The following HIVEP3 variants were observed in gnomAD, a reference collection of about 807,000 sequenced individuals.
HIVEP3 encodes the protein transcription factor HIVEP3.
Under a neutral mutation model 152.8 loss-of-function variants are expected in HIVEP3, and 49 were observed. The observed-to-expected ratio is 0.32, with a 90% CI of 0.26 to 0.41. The LOEUF is 0.41. Ranked by LOEUF, HIVEP3 falls within the 10% of genes least tolerant of loss-of-function variation. HIVEP3 has a pLI of 1.00. For synonymous variants in HIVEP3, 1,269 were observed against 1,289.0 expected, an observed-to-expected ratio of 0.98 and a Z score of 0.33; for missense variants, 2,790 against 3,103.3, an observed-to-expected ratio of 0.90 and a Z score of 2.40.
intron 2 of HIVEP3, among the ~76,000 whole-genome samples, chr1:41,648,505 A>G (rs1290778381): frequency 6.6e-6 from 1 of 152,206 alleles, no homozygotes; most frequent in Non-Finnish European, 1.5e-5. Flanking sequence ...GGGCCAGGGG[A>G]GGAGACACAG....
chr1:41,846,838 G>A (rs1459637104), intron 1 of HIVEP3, among the ~76,000 whole-genome samples: 1 of 152,214 alleles, frequency 6.6e-6, no homozygotes, highest in Non-Finnish European at 1.5e-5. Flanking sequence ...GGTAATGAAA[G>A]AATGAACAAA....
chr1:41,640,485 AGT>A (rs1286468580), intron 2 of HIVEP3, among the ~76,000 whole-genome samples: 2 of 152,196 alleles, frequency 1.3e-5, no homozygotes, highest in Non-Finnish European at 2.9e-5. Context: ...CACCCAGCTA[AGT>A]GACCTTGGAC....
chr1:41,699,160 T>C (rs971030105), intron 2 of HIVEP3, among the ~76,000 whole-genome samples: 2 of 152,254 alleles, frequency 1.3e-5, no homozygotes, highest in African/African-American at 4.8e-5. Flanking sequence ...AAGTAAGTGC[T>C]GAGCACGTGG....
chr1:41,650,523 TTTCTC>T (rs1479430366), intron 2 of HIVEP3, among the ~76,000 whole-genome samples: 1 of 151,208 alleles, frequency 6.6e-6, no homozygotes, highest in Non-Finnish European at 1.5e-5. Flanking sequence ...AGAGTCTTCT[TTTCTC>T]TTTATTTTCT....
At chr1:41,624,982 G>A (rs1242880804) in intron 3 of HIVEP3, among the ~76,000 whole-genome samples, 1 of 151,980 alleles carries the variant, frequency 6.6e-6, no homozygotes, top group Non-Finnish European at 1.5e-5. Context: ...TGGCTGACAT[G>A]GTGAAACCCC....
At chr1:41,974,145 G>A (rs987045532) in intron 1 of HIVEP3, among the ~76,000 whole-genome samples, 1 of 152,106 alleles carries the variant, frequency 6.6e-6, no homozygotes, top group African/African-American at 2.4e-5. Flanking sequence ...GTAGAGACTG[G>A]AAAAAGCCAA....
intron 1 of HIVEP3, among the ~76,000 whole-genome samples, chr1:41,744,320 T>C (rs553301975): frequency 1.3e-5 from 2 of 152,336 alleles, no homozygotes; most frequent in Admixed American, 1.3e-4. Context: ...ATTACAGGTG[T>C]GAGCCATCAC....
intron 2 of HIVEP3, among the ~76,000 whole-genome samples, chr1:41,680,901 A>C (rs1294087006): frequency 6.6e-6 from 1 of 152,244 alleles, no homozygotes; most frequent in Non-Finnish European, 1.5e-5. Context: ...GAAAATAATC[A>C]CAGCTACCAC....
intron 1 of HIVEP3, among the ~76,000 whole-genome samples, chr1:41,841,833 T>C (rs914257730): frequency 2.6e-5 from 4 of 152,192 alleles, no homozygotes; most frequent in African/African-American, 9.7e-5. Flanking sequence ...CTCACTCCTA[T>C]AATCCCAGCA....
At chr1:41,840,011 T>C (rs886787117) in intron 1 of HIVEP3, among the ~76,000 whole-genome samples, 1 of 152,192 alleles carries the variant, frequency 6.6e-6, no homozygotes, top group Non-Finnish European at 1.5e-5. Flanking sequence ...AGTGGCATAG[T>C]GACAGAACTG....
chr1:41,700,244 G>A (rs1256937816), intron 2 of HIVEP3, among the ~76,000 whole-genome samples: 1 of 152,172 alleles, frequency 6.6e-6, no homozygotes, highest in African/African-American at 2.4e-5. Context: ...GTGCCTCAGT[G>A]CCCAGCACAG....
At chr1:41,515,452 G>C (rs1642575750) in intron 7 of HIVEP3, among the ~76,000 whole-genome samples, 2 of 152,198 alleles carry the variant, frequency 1.3e-5, no homozygotes, top group Non-Finnish European at 2.9e-5. Flanking sequence ...GGCTGGGGAT[G>C]GGGGTGAACT....
intron 1 of HIVEP3, among the ~76,000 whole-genome samples, chr1:41,834,249 G>C (rs143923926): frequency 1.3e-5 from 2 of 152,090 alleles, no homozygotes; most frequent in African/African-American, 4.8e-5. Context: ...TCTCTGCAGA[G>C]ACCACGGACA....
rs1252682061 is a variant in HIVEP3, at chr1:41,789,025, A to T, written c.-800-88030T>A. ...TCCTCGTCCCTCTAGGTACCCAGTGAGTCAGGACAACCCTGTGCTCTCCTC... is the reference window on the plus strand; with the variant it reads ...TCCTCGTCCCTCTAGGTACCCAGTGTGTCAGGACAACCCTGTGCTCTCCTC... On this transcript the variant is annotated intron_variant, in intron 1 of 8. Transcript: ENST00000372583. 1.3e-5 allele frequency among the ~76,000 whole-genome samples: 2 copies of T among 152,198 alleles called. 1 individual carries two copies. The highest frequency in any genetic ancestry group is 4.8e-5 in the African/African-American group (2 of 41,450).
intron 1 of HIVEP3, among the ~76,000 whole-genome samples, chr1:41,777,187 C>T (rs6687088): frequency 0.41 from 62,366 of 152,104 alleles, 14,642 homozygotes; most frequent in Non-Finnish European, 0.54. Flanking sequence ...CCTTGGCTGG[C>T]AAGCAGGAAG....
intron 2 of HIVEP3, among the ~76,000 whole-genome samples, chr1:41,674,972 G>C (rs1645933125): frequency 6.6e-6 from 1 of 152,074 alleles, no homozygotes; most frequent in Admixed American, 6.5e-5. Context: ...TCACAGCCAT[G>C]GAATTCTTAA....
intron 3 of HIVEP3, among the ~76,000 whole-genome samples, chr1:41,608,676 C>T (rs925319403): frequency 1.3e-5 from 2 of 152,212 alleles, no homozygotes; most frequent in African/African-American, 4.8e-5. Context: ...TCTGTCTGTG[C>T]AATCTCATGG....
At chr1:41,747,949 A>G (rs1033533032) in intron 1 of HIVEP3, among the ~76,000 whole-genome samples, 3 of 152,256 alleles carry the variant, frequency 2.0e-5, no homozygotes, top group Admixed American at 6.5e-5. Context: ...CAGTAATCAG[A>G]TGGAAGAAGG....
chr1:41,716,976 T>C (rs1322524903), intron 1 of HIVEP3, among the ~76,000 whole-genome samples: 1 of 152,234 alleles, frequency 6.6e-6, no homozygotes, highest in South Asian at 2.1e-4. Context: ...CGAGTATGTT[T>C]ACTCAGCAGC....
Sources: gnomAD v4.1 joint callset for allele counts (sites outside exome capture counted in the v4.1 genomes callset) on GRCh38, gnomAD v4.1.1 for gene constraint, MANE v1.5 for transcripts, NCBI Gene and HGNC (gene_info 2026-07-23, HGNC 2026-07-21) for gene names.